The following HSF2BP variants were observed in gnomAD, a reference collection of about 807,000 sequenced individuals.
HSF2BP encodes heat shock factor 2-binding protein.
In HSF2BP, 35 loss-of-function variants were observed where a neutral mutation model predicts 35.0. The ratio of observed to expected loss-of-function variants is 1.00; its 90% CI spans 0.76 to 1.32. The LOEUF (loss-of-function observed/expected upper bound fraction) is 1.32. HSF2BP is among the 40% of genes most tolerant of loss of function. The pLI, the probability that HSF2BP is intolerant of heterozygous loss-of-function variation, is 0.00. For synonymous variants in HSF2BP, 114 were observed against 117.4 expected, an observed-to-expected ratio of 0.97 and a Z score of 0.18; for missense variants, 326 against 321.7, an observed-to-expected ratio of 1.01 and a Z score of -0.10.
At chr21:43,608,926 T>C (rs2082168959) in intron 7 of HSF2BP, among the ~76,000 whole-genome samples, 1 of 152,118 alleles carries the variant, frequency 6.6e-6, no homozygotes, top group Non-Finnish European at 1.5e-5. Context: ...TGAGATAAGA[T>C]AGCACCACTG....
chr21:43,605,559 T>C (rs1244625798), intron 7 of HSF2BP, among the ~76,000 whole-genome samples: 3 of 122,354 alleles, frequency 2.5e-5, no homozygotes, highest in South Asian at 2.8e-4. Context: ...CACATGTACA[T>C]ACACACCACA....
intron 3 of HSF2BP, among the ~76,000 whole-genome samples, chr21:43,648,159 T>TC (rs1555876004): frequency 6.6e-6 from 1 of 152,060 alleles, no homozygotes; most frequent in Non-Finnish European, 1.5e-5. Flanking sequence ...GTGTTTTTTT[T>TC]CCCTCTACTT....
chr21:43,630,849 A>G (rs2082447215), intron 5 of HSF2BP, among the ~76,000 whole-genome samples: 1 of 152,242 alleles, frequency 6.6e-6, no homozygotes, highest in Non-Finnish European at 1.5e-5. Flanking sequence ...GAAAACATGT[A>G]AAAGAGGTAA....
chr21:43,623,888 T>G (rs982570588), intron 6 of HSF2BP, among the ~76,000 whole-genome samples: 2 of 152,042 alleles, frequency 1.3e-5, no homozygotes, highest in Non-Finnish European at 2.9e-5. Flanking sequence ...TCAACCACAA[T>G]GGGGGAAACA....
At chr21:43,654,136 T>C (rs1285803074) in intron 3 of HSF2BP, among the ~76,000 whole-genome samples, 1 of 152,072 alleles carries the variant, frequency 6.6e-6, no homozygotes, top group Admixed American at 6.6e-5. Context: ...TCAAAGACAA[T>C]GCAACTGTAA....
At chr21:43,603,667 G>A (rs907021814) in intron 7 of HSF2BP, among the ~76,000 whole-genome samples, 3 of 152,154 alleles carry the variant, frequency 2.0e-5, no homozygotes, top group African/African-American at 7.2e-5. Context: ...CATCCTGCTG[G>A]CAGCACCAAC....
chr21:43,576,481 C>A (rs2081645573), intron 8 of HSF2BP, among the ~76,000 whole-genome samples: 1 of 152,210 alleles, frequency 6.6e-6, no homozygotes, highest in Non-Finnish European at 1.5e-5. Flanking sequence ...ATAGTAAATG[C>A]ACAAGTCAAC....
chr21:43,649,236 T>C (rs2082749603), intron 3 of HSF2BP, among the ~76,000 whole-genome samples: 2 of 151,796 alleles, frequency 1.3e-5, no homozygotes. Context: ...TGTTTTTCAG[T>C]TTGGGGTTTT....
chr21:43,651,772 T>C (rs2082789676), intron 3 of HSF2BP, among the ~76,000 whole-genome samples: 1 of 152,200 alleles, frequency 6.6e-6, no homozygotes, highest in African/African-American at 2.4e-5. Flanking sequence ...GCCACCGCCC[T>C]GGCCTAGAAT....
intron 6 of HSF2BP, among the ~76,000 whole-genome samples, chr21:43,626,585 G>A (rs2082392122): frequency 6.6e-6 from 1 of 152,110 alleles, no homozygotes; most frequent in African/African-American, 2.4e-5. Flanking sequence ...CACACACACT[G>A]GTCTTGTATG....
intron 7 of HSF2BP, among the ~76,000 whole-genome samples, chr21:43,608,434 G>C (rs1372282530): frequency 6.6e-6 from 1 of 152,012 alleles, no homozygotes; most frequent in African/African-American, 2.4e-5. Context: ...GCTATTACTA[G>C]AAAGTCAAAA....
intron 4 of HSF2BP, among the ~76,000 whole-genome samples, chr21:43,639,540 T>A (rs184550133): frequency 6.6e-6 from 1 of 152,244 alleles, no homozygotes; most frequent in African/African-American, 2.4e-5. Flanking sequence ...AATAAATGCA[T>A]GAAATGATGC....
chr21:43,597,729 C>G lies in HSF2BP; in HGVS notation c.693-5401G>C, dbSNP rs772144021. On this transcript the variant is annotated intron_variant, in intron 7 of 8. Coordinates refer to ENST00000291560, the MANE Select transcript of HSF2BP (RefSeq NM_007031.2). This position sits in a 1 kb window ranked among gnomAD's most constrained non-coding sequence, Gnocchi z 4.3. ...ATGAGGTCTTGCCATCTTGCCAAGGCTGGTCTTGAATTCTCGGCCTCAGGC... is the reference window on the plus strand; with the variant it reads ...ATGAGGTCTTGCCATCTTGCCAAGGGTGGTCTTGAATTCTCGGCCTCAGGC... 6.6e-6 allele frequency among the ~76,000 whole-genome samples: 1 copy of G among 152,170 alleles called. No homozygotes were observed. The highest frequency in any genetic ancestry group is 1.5e-5 in the Non-Finnish European group (1 of 68,038).
intron 7 of HSF2BP, among the ~76,000 whole-genome samples, chr21:43,602,805 G>C (rs1029114243): frequency 2.0e-5 from 3 of 152,206 alleles, no homozygotes; most frequent in Non-Finnish European, 4.4e-5. Context: ...TCCAAGGAGA[G>C]GGTTATCCTG....
At chr21:43,604,500 C>T (rs1324216556) in intron 7 of HSF2BP, among the ~76,000 whole-genome samples, 59 of 142,842 alleles carry the variant, frequency 4.1e-4, no homozygotes, top group Non-Finnish European at 6.4e-4. Flanking sequence ...ACACACCACA[C>T]ACTACACACA....
chr21:43,654,847 G>A (rs73908356), intron 3 of HSF2BP, among the ~76,000 whole-genome samples: 1,967 of 152,306 alleles, frequency 0.013, 40 homozygotes, highest in African/African-American at 0.044. Context: ...GGCAATGAGC[G>A]GGGCCTAGGC....
intron 3 of HSF2BP, among the ~76,000 whole-genome samples, chr21:43,654,653 C>A (rs944531837): frequency 6.6e-6 from 1 of 152,140 alleles, no homozygotes; most frequent in Non-Finnish European, 1.5e-5. Flanking sequence ...TAGGCTAGGG[C>A]AGACATTTAG....
intron 4 of HSF2BP, among the ~76,000 whole-genome samples, chr21:43,639,260 T>A (rs1180985342): frequency 2.0e-5 from 3 of 152,086 alleles, no homozygotes; most frequent in Non-Finnish European, 4.4e-5. Flanking sequence ...TTCTTAGACA[T>A]AACAACAAGA....
intron 3 of HSF2BP, 100 bp downstream of exon 3, chr21:43,656,487 G>C: frequency 1.7e-6 from 2 of 1,145,228 alleles, no homozygotes; most frequent in South Asian, 1.5e-5. Flanking sequence ...CACAAGGACT[G>C]TAAGAGTACC....
Sources: gnomAD v4.1 joint callset for allele counts (sites outside exome capture counted in the v4.1 genomes callset) on GRCh38, gnomAD v4.1.1 for gene constraint, Gnocchi (gnomAD v3.1) non-coding constraint, MANE v1.5 for transcripts, NCBI Gene and HGNC (gene_info 2026-07-23, HGNC 2026-07-21) for gene names.